Variants in MELK observed in about 807,000 individuals in gnomAD.
MELK encodes pEg3 kinase.
MELK carries 81 observed loss-of-function variants against 85.0 expected under a neutral mutation model. That is an observed-to-expected ratio of 0.95 (90% CI 0.80 to 1.15). The LOEUF is 1.15. MELK is among the 50% of genes most tolerant of loss of function. MELK has a pLI of 0.00. For synonymous variants in MELK, 252 were observed against 265.0 expected (o/e 0.95, Z 0.48); for missense variants, 754 against 777.5 (o/e 0.97, Z 0.36).
chr9:36,676,465 C>T (rs1398330711), intron 17 of MELK, among the ~76,000 whole-genome samples: 1 of 152,080 alleles, frequency 6.6e-6, no homozygotes, highest in Non-Finnish European at 1.5e-5. Context: ...CAGGATCATA[C>T]GTATGTCTTA....
At chr9:36,655,447 G>A (rs1831145280) in intron 12 of MELK, among the ~76,000 whole-genome samples, 1 of 96,116 alleles carries the variant, frequency 1.0e-5, no homozygotes, top group Non-Finnish European at 2.4e-5. Flanking sequence ...AAGAGTTCAA[G>A]TAGGGGGAGA....
chr9:36,647,271 A>C (rs1327930465), intron 11 of MELK, among the ~76,000 whole-genome samples: 1 of 152,192 alleles, frequency 6.6e-6, no homozygotes, highest in African/African-American at 2.4e-5. Flanking sequence ...TTGATAAGAA[A>C]GTGGCAACTT....
chr9:36,583,561 T>G (rs1822491199), intron 2 of MELK, 66 bp from the exon 3 acceptor site: 1 of 1,008,454 alleles, frequency 9.9e-7, no homozygotes, highest in Admixed American at 2.8e-5. Flanking sequence ...TTAAAATTAT[T>G]ATATATAAAA....
intron 8 of MELK, among the ~76,000 whole-genome samples, chr9:36,611,841 C>G (rs988782440): frequency 6.6e-6 from 1 of 151,240 alleles, no homozygotes. Context: ...TGGTTAGATT[C>G]GGCTCACTGC....
intron 10 of MELK, among the ~76,000 whole-genome samples, chr9:36,636,385 C>T (rs528000255): frequency 6.5e-4 from 99 of 151,862 alleles, no homozygotes; most frequent in Non-Finnish European, 1.1e-3. Context: ...GCCTGTAATC[C>T]CAACTACTCG....
At chr9:36,624,576 T>C (rs1235107323) in intron 8 of MELK, among the ~76,000 whole-genome samples, 1 of 152,196 alleles carries the variant, frequency 6.6e-6, no homozygotes, top group Non-Finnish European at 1.5e-5. Context: ...TGCCAGCTTA[T>C]AGCAAAGCAC....
rs117534642 is a variant in MELK, at chr9:36,609,584, A to T, written c.666+1911A>T. Among the ~76,000 whole-genome samples the T allele has an allele frequency of 3.5e-3, 537 of 151,760 alleles. 5 individuals are homozygous for T. The highest frequency in any genetic ancestry group is 0.023 in the East Asian group (120 of 5,154). ...CACCTCAACCTCCCCACTAGCTGGG[A>T]CCACAGGCACTGCACCACTACATCC... On this transcript the variant is annotated intron_variant, in intron 8 of 17. Transcript: ENST00000298048.
At chr9:36,580,274 C>T (rs553330799) in intron 1 of MELK, among the ~76,000 whole-genome samples, 2 of 151,902 alleles carry the variant, frequency 1.3e-5, no homozygotes, top group Middle Eastern at 3.4e-3. Flanking sequence ...GTGATCCACC[C>T]GCCTCGGCCT....
At chr9:36,607,204 T>C (rs955525382) in intron 7 of MELK, among the ~76,000 whole-genome samples, 1 of 152,246 alleles carries the variant, frequency 6.6e-6, no homozygotes, top group Non-Finnish European at 1.5e-5. Context: ...CTCATGCCTG[T>C]TTACATAATC....
At chr9:36,613,490 A>G (rs1485076739) in intron 8 of MELK, among the ~76,000 whole-genome samples, 1 of 152,246 alleles carries the variant, frequency 6.6e-6, no homozygotes, top group Non-Finnish European at 1.5e-5. Flanking sequence ...GACAATAAGC[A>G]TAACAAGTAA....
intron 8 of MELK, chr9:36,630,042 A>G (rs1322036326): frequency 1.5e-5 from 5 of 338,446 alleles, no homozygotes; most frequent in African/African-American, 6.4e-5. Context: ...ACAGTGTTTC[A>G]CCACGTTGGC....
At chr9:36,611,752 C>CTATTATTATTATTATTATTAT (rs761980953) in intron 8 of MELK, among the ~76,000 whole-genome samples, 41 of 145,410 alleles carry the variant, frequency 2.8e-4, no homozygotes, top group African/African-American at 1.0e-3. Context: ...ATAAATGTAG[C>CTATTATTATTATTATTATTAT]TATTATTATT....
intron 1 of MELK, among the ~76,000 whole-genome samples, chr9:36,580,318 G>A (rs541520816): frequency 4.1e-5 from 6 of 146,256 alleles, no homozygotes; most frequent in African/African-American, 1.5e-4. Flanking sequence ...GTGAGCCACC[G>A]CACCCGGCCT....
intron 13 of MELK, 40 bp downstream of exon 13, chr9:36,657,403 T>C: frequency 6.5e-7 from 1 of 1,545,852 alleles, no homozygotes; most frequent in East Asian, 2.3e-5. Flanking sequence ...GAATCTATTG[T>C]TTCAATTATA....
At chr9:36,619,732 G>A (rs1827214444) in intron 8 of MELK, among the ~76,000 whole-genome samples, 1 of 152,224 alleles carries the variant, frequency 6.6e-6, no homozygotes, top group Non-Finnish European at 1.5e-5. Context: ...CAGAAATGGA[G>A]TTCTGTGTTT....
At chr9:36,627,526 T>TC (rs1564179568) in intron 8 of MELK, among the ~76,000 whole-genome samples, 14 of 140,564 alleles carry the variant, frequency 1.0e-4, no homozygotes, top group African/African-American at 3.9e-4. Flanking sequence ...CTCTCTCTCT[T>TC]TTTTTTTTTT....
intron 14 of MELK, among the ~76,000 whole-genome samples, chr9:36,668,671 C>T (rs1240205194): frequency 6.6e-6 from 1 of 152,042 alleles, no homozygotes; most frequent in Non-Finnish European, 1.5e-5. Context: ...CGCCACCACG[C>T]CCAGCTAATT....
intron 4 of MELK, among the ~76,000 whole-genome samples, chr9:36,592,433 C>A (rs1393829915): frequency 6.6e-6 from 1 of 152,068 alleles, no homozygotes; most frequent in Non-Finnish European, 1.5e-5. Context: ...ACTTCAGCCT[C>A]CCAAAGTGCT....
chr9:36,599,300 CAAAAAAAAAAAA>C (rs34715003), intron 6 of MELK, 82 bp from the exon 7 acceptor site: 105 of 379,326 alleles, frequency 2.8e-4, no homozygotes, highest in East Asian at 1.2e-3. Context: ...GACTCCGTCT[CAAAAAAAAAAAA>C]AAAAAAAAAA....
Sources: allele counts gnomAD v4.1 joint callset (sites outside exome capture counted in the v4.1 genomes callset), GRCh38; gene constraint gnomAD v4.1.1; transcripts MANE v1.5; gene names NCBI Gene and HGNC (gene_info 2026-07-23, HGNC 2026-07-21).